SLC25A48: variants seen among roughly 807,000 people sequenced by gnomAD.
The protein encoded by SLC25A48 is CTC-321K16.1.
In SLC25A48, 29 loss-of-function variants were observed where a neutral mutation model predicts 32.2. The ratio of observed to expected loss-of-function variants is 0.90; its 90% CI spans 0.67 to 1.23. The LOEUF is 1.23. SLC25A48 is among the 50% of genes most tolerant of loss of function. SLC25A48 has a pLI of 0.00. For missense variants in SLC25A48, 399 were observed against 422.7 expected, an observed-to-expected ratio of 0.94 and a Z score of 0.49; for synonymous variants, 164 against 172.3, an observed-to-expected ratio of 0.95 and a Z score of 0.38.
chr5:135,834,632 A>G (rs1267150666), upstream of SLC25A48: 3 of 570,604 alleles, frequency 5.3e-6, no homozygotes, highest in African/African-American at 5.7e-5. Flanking sequence ...TTTAAGGTCC[A>G]CTGGGGGCGT....
chr5:135,839,223 AGCAGCTGGGAGGAAGGCTGTACTCT>A (rs1318328952), intron 1 of SLC25A48, among the ~76,000 whole-genome samples: 10 of 152,212 alleles, frequency 6.6e-5, no homozygotes, highest in Non-Finnish European at 1.3e-4. Context: ...CACTCATGCC[AGCAGCTGGGAGGAAGGCTGTACTCT>A]GCAAAATCAC....
chr5:135,752,810 C>T (rs986031139), intron 3 of SLC25A48, among the ~76,000 whole-genome samples: 2 of 152,044 alleles, frequency 1.3e-5, no homozygotes, highest in East Asian at 1.9e-4. Context: ...TGTACACCCT[C>T]TGTGATATGA....
rs548123236 is a variant in SLC25A48, at chr5:135,600,012, C to A, written c.-849+20415C>A. On this transcript the variant is annotated intron_variant, in intron 1 of 10. Transcript: ENST00000646290. Reference sequence around the variant, plus strand: ...ACATTTGTATTTCTACATACTCCCCCCTCCCTTGGCCAACCCCCTTGGGGC... The same window carrying A: ...ACATTTGTATTTCTACATACTCCCCACTCCCTTGGCCAACCCCCTTGGGGC... 3.9e-5 allele frequency among the ~76,000 whole-genome samples: 6 copies of A among 152,308 alleles called. No individual in the cohort carries two copies. In the South Asian group the frequency reaches 8.3e-4, roughly 21 times the overall value.
At chr5:135,670,704 G>A (rs774862046) in intron 3 of SLC25A48, among the ~76,000 whole-genome samples, 1 of 152,170 alleles carries the variant, frequency 6.6e-6, no homozygotes, top group East Asian at 1.9e-4. Flanking sequence ...GGTCTCACTC[G>A]GTAGAGCTGG....
At chr5:135,841,570 AGTTGG>A (rs1466573578) in intron 1 of SLC25A48, among the ~76,000 whole-genome samples, 2 of 152,204 alleles carry the variant, frequency 1.3e-5, no homozygotes, top group Non-Finnish European at 2.9e-5. Context: ...AAGAGAGTGA[AGTTGG>A]GAGAAGTGGC....
intron 3 of SLC25A48, among the ~76,000 whole-genome samples, chr5:135,717,128 A>G (rs1754820307): frequency 6.6e-6 from 1 of 152,190 alleles, no homozygotes; most frequent in South Asian, 2.1e-4. Flanking sequence ...CTTCGGGCAG[A>G]TGTCGCTAGC....
intron 3 of SLC25A48, among the ~76,000 whole-genome samples, chr5:135,807,770 C>G (rs1334465724): frequency 6.7e-6 from 1 of 149,986 alleles, no homozygotes; most frequent in Non-Finnish European, 1.5e-5. Context: ...TTATTAATAT[C>G]ATTGTGTGTT....
At position 135,671,037 on chromosome 5, in the gene SLC25A48, G is replaced by A. The variant is rs1416292010; in HGVS notation, c.-521+36081G>A. The stretch of plus-strand genomic sequence containing the variant: ...TGAGAGGTTGGGGCCTGCTGTCATG[G>A]CACGGACGAATGGCTTGGGGGTCAG... On this transcript the variant is annotated intron_variant, in intron 3 of 10. Coordinates refer to the SLC25A48 transcript ENST00000646290. Among the ~76,000 whole-genome samples the A allele has an allele frequency of 2.0e-5, 3 of 152,298 alleles. No individual in the cohort carries two copies. In the East Asian group the frequency reaches 5.8e-4, roughly 29 times the overall value.
intron 3 of SLC25A48, among the ~76,000 whole-genome samples, chr5:135,696,360 C>T (rs750454889): frequency 2.0e-5 from 3 of 152,168 alleles, no homozygotes; most frequent in Non-Finnish European, 4.4e-5. Context: ...ATGTTAGGTG[C>T]TCTGAGTGAG....
intron 7 of SLC25A48, among the ~76,000 whole-genome samples, chr5:135,883,871 T>C (rs1048259307): frequency 2.0e-5 from 3 of 152,198 alleles, no homozygotes; most frequent in Admixed American, 6.5e-5. Context: ...TTTTATTCCT[T>C]ACTAGAGCCG....
intron 3 of SLC25A48, among the ~76,000 whole-genome samples, chr5:135,684,957 C>T (rs1161931222): frequency 3.3e-5 from 5 of 152,186 alleles, no homozygotes; most frequent in African/African-American, 1.2e-4. Context: ...AAACTAGGTA[C>T]ACTTTTCATT....
At chr5:135,719,173 G>A (rs1186558487) in intron 3 of SLC25A48, among the ~76,000 whole-genome samples, 1 of 152,150 alleles carries the variant, frequency 6.6e-6, no homozygotes, top group Non-Finnish European at 1.5e-5. Flanking sequence ...TTAAAAGATG[G>A]GCTAACTCTA....
intron 3 of SLC25A48, among the ~76,000 whole-genome samples, chr5:135,695,100 C>T (rs565627001): frequency 9.9e-5 from 15 of 151,876 alleles, no homozygotes; most frequent in African/African-American, 2.2e-4. Flanking sequence ...CGGGCAGCTG[C>T]GCTAGCTGGT....
intron 3 of SLC25A48, among the ~76,000 whole-genome samples, chr5:135,751,906 T>C (rs955182858): frequency 6.6e-6 from 1 of 152,198 alleles, no homozygotes; most frequent in African/African-American, 2.4e-5. Flanking sequence ...TTCAAGGTTA[T>C]TTTTTGGAGA....
intron 3 of SLC25A48, among the ~76,000 whole-genome samples, chr5:135,779,600 T>G (rs62365740): frequency 0.58 from 58,952 of 102,342 alleles, 22,523 homozygotes; most frequent in Middle Eastern, 0.77. Flanking sequence ...GGATGTACAC[T>G]CCCTACATAA....
At chr5:135,739,291 T>A (rs1417343303) in intron 3 of SLC25A48, among the ~76,000 whole-genome samples, 3 of 152,100 alleles carry the variant, frequency 2.0e-5, no homozygotes, top group South Asian at 2.1e-4. Context: ...CTAATTTTTT[T>A]ATTTTTTGTA....
chr5:135,789,768 A>G (rs1237812631), intron 3 of SLC25A48, among the ~76,000 whole-genome samples: 1 of 151,906 alleles, frequency 6.6e-6, no homozygotes, highest in Admixed American at 6.6e-5. Context: ...TCTCGATTGT[A>G]CCTTGCGATA....
At chr5:135,803,267 A>T (rs1323490594) in intron 3 of SLC25A48, among the ~76,000 whole-genome samples, 1 of 151,596 alleles carries the variant, frequency 6.6e-6, no homozygotes, top group Non-Finnish European at 1.5e-5. Flanking sequence ...GGCAGATATT[A>T]TTCCTAATAT....
Position 135,685,372 on chromosome 5 carries a change from A to C in SLC25A48, c.-521+50416A>C, listed in dbSNP as rs577982303. On this transcript the variant is annotated intron_variant, in intron 3 of 10. Transcript: ENST00000646290. Reference sequence around the variant, plus strand: ...AAGAAAATTCGACTCTTGTAATAGAAATTGACAAGTTAGCTCTTTATCTTA... The same window carrying C: ...AAGAAAATTCGACTCTTGTAATAGACATTGACAAGTTAGCTCTTTATCTTA... Among the ~76,000 whole-genome samples, 15 of 151,280 alleles carry C rather than the reference A, an allele frequency of 9.9e-5. No homozygotes were observed. The East Asian group carries it at 2.9e-3, about 29-fold the overall frequency.
Sources: allele counts gnomAD v4.1 joint callset (sites outside exome capture counted in the v4.1 genomes callset), GRCh38; gene constraint gnomAD v4.1.1; transcripts MANE v1.5; gene names NCBI Gene and HGNC (gene_info 2026-07-23, HGNC 2026-07-21).